Variants in PDZRN4 observed in about 807,000 individuals in gnomAD.
PDZRN4 encodes the protein PDZ domain containing ring finger 4.
Under a neutral mutation model 99.0 loss-of-function variants are expected in PDZRN4, and 70 were observed. The observed-to-expected ratio is 0.71, with a 90% CI of 0.58 to 0.86. The LOEUF (loss-of-function observed/expected upper bound fraction) is 0.86. Ranked by LOEUF, PDZRN4 falls within the 40% of genes least tolerant of loss-of-function variation. The probability of loss-of-function intolerance (pLI) is 0.00; values close to 1 mark genes in which losing one functional copy is unlikely to be tolerated. For synonymous variants in PDZRN4, 551 were observed against 501.6 expected (o/e 1.10, Z -1.32); for missense variants, 1,474 against 1,331.2 (o/e 1.11, Z -1.67).
chr12:41,499,294 C>T (rs966394458), intron 3 of PDZRN4, among the ~76,000 whole-genome samples: 2 of 152,056 alleles, frequency 1.3e-5, no homozygotes, highest in African/African-American at 2.4e-5. Flanking sequence ...ATCTGAAAGA[C>T]AAACCAAAGA....
chr12:41,221,982 C>A (rs1950958930), intron 3 of PDZRN4, among the ~76,000 whole-genome samples: 1 of 152,152 alleles, frequency 6.6e-6, no homozygotes. Context: ...CAACAAAGAA[C>A]AAAGTTTGTC....
At chr12:41,553,406 A>C (rs1251058329) in intron 6 of PDZRN4, among the ~76,000 whole-genome samples, 2 of 152,216 alleles carry the variant, frequency 1.3e-5, no homozygotes, top group African/African-American at 4.8e-5. Context: ...TTTTATGTGA[A>C]GTGGGAAGGA....
intron 3 of PDZRN4, among the ~76,000 whole-genome samples, chr12:41,444,406 C>T (rs1452561364): frequency 2.0e-5 from 3 of 152,044 alleles, no homozygotes; most frequent in Admixed American, 6.6e-5. Flanking sequence ...TGGTATTGGG[C>T]CTCACAGTTC....
intron 5 of PDZRN4, among the ~76,000 whole-genome samples, chr12:41,538,394 C>A (rs1192719919): frequency 6.6e-6 from 1 of 152,050 alleles, no homozygotes; most frequent in African/African-American, 2.4e-5. Flanking sequence ...ATTTAAGAAA[C>A]GTTATATTGT....
At chr12:41,349,507 G>T (rs535617961) in intron 3 of PDZRN4, among the ~76,000 whole-genome samples, 183 of 151,842 alleles carry the variant, frequency 1.2e-3, no homozygotes, top group Non-Finnish European at 1.9e-3. Context: ...TATAAAATAG[G>T]TTATTGAGAT....
intron 3 of PDZRN4, among the ~76,000 whole-genome samples, chr12:41,322,588 T>G (rs1951687331): frequency 6.8e-6 from 1 of 147,986 alleles, no homozygotes; most frequent in Non-Finnish European, 1.5e-5. Context: ...CCTCCCTGGT[T>G]CACGCCATTC....
At chr12:41,197,405 C>T (rs1487112380) in intron 3 of PDZRN4, among the ~76,000 whole-genome samples, 1 of 151,948 alleles carries the variant, frequency 6.6e-6, no homozygotes, top group Non-Finnish European at 1.5e-5. Flanking sequence ...ATTAGGTAAA[C>T]CTATGTCATA....
intron 3 of PDZRN4, among the ~76,000 whole-genome samples, chr12:41,364,545 A>AG (rs1320932490): frequency 2.0e-5 from 3 of 152,132 alleles, no homozygotes; most frequent in African/African-American, 7.2e-5. Context: ...AGCTTTACTC[A>AG]TGTCTTTTCA....
chr12:41,274,798 A>G (rs998055030), intron 3 of PDZRN4, among the ~76,000 whole-genome samples: 11 of 152,200 alleles, frequency 7.2e-5, no homozygotes, highest in African/African-American at 2.4e-4. Context: ...CCCTTGAAAT[A>G]TCTGAAGACA....
intron 3 of PDZRN4, among the ~76,000 whole-genome samples, chr12:41,471,123 G>T (rs137869210): frequency 6.6e-6 from 1 of 152,142 alleles, no homozygotes; most frequent in African/African-American, 2.4e-5. Flanking sequence ...AAACTTGTGG[G>T]TGCAGAGCTA....
At chr12:41,375,378 T>G (rs901735508) in intron 3 of PDZRN4, among the ~76,000 whole-genome samples, 1 of 152,166 alleles carries the variant, frequency 6.6e-6, no homozygotes, top group Non-Finnish European at 1.5e-5. Context: ...GAACTACAAT[T>G]AGATGATAGA....
chr12:41,202,923 T>G (rs1458099364), intron 3 of PDZRN4, among the ~76,000 whole-genome samples: 2 of 152,010 alleles, frequency 1.3e-5, no homozygotes, highest in African/African-American at 2.4e-5. Context: ...GTATGTAAAA[T>G]TAGGTGATTT....
At chr12:41,201,392 A>G (rs937278835) in intron 3 of PDZRN4, among the ~76,000 whole-genome samples, 1 of 151,680 alleles carries the variant, frequency 6.6e-6, no homozygotes. Context: ...AGATCTTTAT[A>G]CCTCTCACTT....
intron 3 of PDZRN4, among the ~76,000 whole-genome samples, chr12:41,493,006 C>T (rs1294483469): frequency 1.3e-5 from 2 of 152,064 alleles, no homozygotes; most frequent in Non-Finnish European, 2.9e-5. Flanking sequence ...TAATTACAGC[C>T]AAAGGCTGCT....
intron 5 of PDZRN4, among the ~76,000 whole-genome samples, chr12:41,511,318 TAC>T (rs939915750): frequency 2.6e-5 from 4 of 152,092 alleles, no homozygotes; most frequent in African/African-American, 9.6e-5. Context: ...CAGATTTCCT[TAC>T]ATTTCTATGG....
rs748516013 is a variant in PDZRN4, at chr12:41,572,365, C to CA, written c.1592dup (p.Gln532AlafsTer19). 1 of 1,589,958 alleles carries CA rather than the reference C, an allele frequency of 6.3e-7. No homozygotes were observed. The highest frequency in any genetic ancestry group is 1.1e-5 in the South Asian group (1 of 88,214). On this transcript the variant is annotated frameshift_variant and splice_region_variant, in exon 10 of 10. Coordinates refer to ENST00000402685, the MANE Select transcript of PDZRN4 (RefSeq NM_001164595.2). LOFTEE classifies it low-confidence loss of function (END_TRUNC). ...GTTCTTTCAACATCATTTTCTTAGC[C>CA]AAAAAAGCAAGAAGAAGAAGAAGGC...
At chr12:41,462,976 C>G (rs1952886832) in intron 3 of PDZRN4, among the ~76,000 whole-genome samples, 1 of 152,136 alleles carries the variant, frequency 6.6e-6, no homozygotes, top group South Asian at 2.1e-4. Flanking sequence ...TATCTGACCC[C>G]TGAGATTGCT....
chr12:41,265,967 C>T (rs902865825), intron 3 of PDZRN4, among the ~76,000 whole-genome samples: 1 of 151,890 alleles, frequency 6.6e-6, no homozygotes, highest in Middle Eastern at 3.4e-3. Context: ...CTTCTCGGTT[C>T]GTAATAAAAT....
chr12:41,494,502 C>A (rs547643870), intron 3 of PDZRN4, among the ~76,000 whole-genome samples: 1 of 151,992 alleles, frequency 6.6e-6, no homozygotes, highest in Non-Finnish European at 1.5e-5. Flanking sequence ...CACTTAGAGA[C>A]GACCATGTCG....
Sources: allele counts gnomAD v4.1 joint callset (sites outside exome capture counted in the v4.1 genomes callset), GRCh38; gene constraint gnomAD v4.1.1; transcripts MANE v1.5; gene names NCBI Gene and HGNC (gene_info 2026-07-23, HGNC 2026-07-21).